The following LRBA variants were observed in gnomAD, a reference collection of about 807,000 sequenced individuals.
LRBA encodes the protein lipopolysaccharide-responsive and beige-like anchor protein.
Under a neutral mutation model 330.0 loss-of-function variants are expected in LRBA, and 176 were observed. The ratio of observed to expected loss-of-function variants is 0.53; its 90% CI spans 0.47 to 0.60. The LOEUF (loss-of-function observed/expected upper bound fraction) is 0.60, where lower values mean the gene tolerates loss of function less well. LRBA is among the 20% of genes least tolerant of loss of function. LRBA has a pLI of 0.00. For synonymous variants in LRBA, 1,230 were observed against 1,193.0 expected (o/e 1.03, Z -0.64); for missense variants, 3,259 against 3,444.8 (o/e 0.95, Z 1.35).
chr4:150,718,614 G>T (rs939144916), intron 36 of LRBA, among the ~76,000 whole-genome samples: 11 of 152,194 alleles, frequency 7.2e-5, no homozygotes, highest in Admixed American at 7.2e-4. Flanking sequence ...AATTGACTCT[G>T]ATGTAGAAGA....
chr4:150,827,812 G>C (rs569506103), intron 30 of LRBA, among the ~76,000 whole-genome samples: 1 of 152,040 alleles, frequency 6.6e-6, no homozygotes, highest in Admixed American at 6.6e-5. Flanking sequence ...ATGTTGGTCA[G>C]GCTGGTCTCG....
intron 37 of LRBA, among the ~76,000 whole-genome samples, chr4:150,607,475 T>C (rs771433421): frequency 3.3e-5 from 5 of 151,552 alleles, no homozygotes; most frequent in Non-Finnish European, 5.9e-5. Flanking sequence ...TTAAAATAAA[T>C]ACAGGTTAAA....
intron 35 of LRBA, among the ~76,000 whole-genome samples, chr4:150,757,218 A>T (rs1734430822): frequency 6.6e-6 from 1 of 152,192 alleles, no homozygotes; most frequent in African/African-American, 2.4e-5. Context: ...CAATGTATTT[A>T]AAAATATCTT....
chr4:150,392,689 T>A (rs1744160853), intron 47 of LRBA, among the ~76,000 whole-genome samples: 1 of 152,074 alleles, frequency 6.6e-6, no homozygotes, highest in Non-Finnish European at 1.5e-5. Flanking sequence ...ATCCTGAGAA[T>A]TTGCTGAAGT....
Position 150,927,092 on chromosome 4 carries a change from A to G in LRBA, c.549+1424T>C, listed in dbSNP as rs1429856214. 2.6e-5 allele frequency among the ~76,000 whole-genome samples: 4 copies of G among 151,100 alleles called. No homozygotes were observed. In the South Asian group the frequency reaches 6.3e-4, roughly 24 times the overall value. On this transcript the variant is annotated intron_variant, in intron 4 of 56. Transcript: ENST00000651943. ...CTCAAAAGAAAGAAAAAAAAAAAAAAGGCCAGGCGCGGTGGCTCACACCTG... is the reference window on the plus strand; with the variant it reads ...CTCAAAAGAAAGAAAAAAAAAAAAAGGGCCAGGCGCGGTGGCTCACACCTG...
At chr4:151,005,175 G>A (rs994767600) in intron 2 of LRBA, among the ~76,000 whole-genome samples, 1 of 151,846 alleles carries the variant, frequency 6.6e-6, no homozygotes, top group South Asian at 2.1e-4. Context: ...GGCCGGGCAC[G>A]GTGGCTCACG....
intron 40 of LRBA, among the ~76,000 whole-genome samples, chr4:150,500,015 TAGAC>T (rs1233139004): frequency 6.6e-6 from 1 of 152,040 alleles, no homozygotes; most frequent in Non-Finnish European, 1.5e-5. Context: ...AAATTACAGT[TAGAC>T]AGTAATAAGT....
At chr4:150,272,453 C>CAAAG (rs1409146681) in intron 56 of LRBA, among the ~76,000 whole-genome samples, 1 of 151,808 alleles carries the variant, frequency 6.6e-6, no homozygotes, top group Non-Finnish European at 1.5e-5. Flanking sequence ...AAAAATGGAA[C>CAAAG]AAAGCTGAAC....
At chr4:150,928,427 T>G in intron 4 of LRBA, 89 bp downstream of exon 4, 1 of 746,404 alleles carries the variant, frequency 1.3e-6, no homozygotes, top group Non-Finnish European at 2.3e-6. Context: ...AATTATCCCA[T>G]GTATAATAAT....
intron 46 of LRBA, among the ~76,000 whole-genome samples, chr4:150,426,421 G>C (rs1749616908): frequency 6.6e-6 from 1 of 151,876 alleles, no homozygotes; most frequent in Non-Finnish European, 1.5e-5. Flanking sequence ...ATCTGATATA[G>C]TAGAAAAAAT....
intron 2 of LRBA, among the ~76,000 whole-genome samples, chr4:150,931,986 A>C (rs1208486605): frequency 6.6e-6 from 1 of 152,052 alleles, no homozygotes; most frequent in Non-Finnish European, 1.5e-5. Context: ...AAGGCGGGAG[A>C]GTCATGTGAG....
intron 34 of LRBA, among the ~76,000 whole-genome samples, chr4:150,766,350 T>C (rs1251571160): frequency 3.9e-5 from 6 of 152,176 alleles, no homozygotes; most frequent in Admixed American, 3.3e-4. Flanking sequence ...GATATACAAA[T>C]GCATACTAAA....
At chr4:150,681,460 T>C (rs952352843) in intron 37 of LRBA, among the ~76,000 whole-genome samples, 1 of 152,184 alleles carries the variant, frequency 6.6e-6, no homozygotes. Context: ...AAAGGACTAT[T>C]TAAAGATAAT....
chr4:150,792,531 C>G (rs546196125), intron 34 of LRBA, among the ~76,000 whole-genome samples: 22 of 152,158 alleles, frequency 1.4e-4, no homozygotes, highest in African/African-American at 5.3e-4. Context: ...ATTTTTGAGA[C>G]AGGGTCTTCC....
rs147923585 is a variant in LRBA, at chr4:150,766,018, T to C, written c.5581-4171A>G. 2.6e-5 allele frequency among the ~76,000 whole-genome samples: 4 copies of C among 152,204 alleles called. No individual in the cohort carries two copies. In the East Asian group the frequency reaches 7.7e-4, roughly 29 times the overall value. ...ATTAGACATGAAGGTACATATATAATTGAAGAAGTTCAGTGTTTTATGGAG... is the reference window on the plus strand; with the variant it reads ...ATTAGACATGAAGGTACATATATAACTGAAGAAGTTCAGTGTTTTATGGAG... On this transcript the variant is annotated intron_variant, in intron 34 of 56. Transcript: ENST00000651943.
chr4:150,505,346 C>A (rs953783980), intron 40 of LRBA, among the ~76,000 whole-genome samples: 26 of 152,142 alleles, frequency 1.7e-4, no homozygotes, highest in Non-Finnish European at 3.1e-4. Context: ...CACTCCTCAG[C>A]AAATGTAAAA....
At chr4:150,381,057 G>A (rs1049157125) in intron 47 of LRBA, among the ~76,000 whole-genome samples, 4 of 149,094 alleles carry the variant, frequency 2.7e-5, no homozygotes, top group African/African-American at 9.9e-5. Context: ...TTAGGAAATA[G>A]TTCAACAAGC....
intron 17 of LRBA, among the ~76,000 whole-genome samples, chr4:150,887,570 C>T (rs981471179): frequency 2.0e-5 from 3 of 151,940 alleles, no homozygotes; most frequent in South Asian, 2.1e-4. Flanking sequence ...AGATCGAGAC[C>T]ATCCTGGCTA....
chr4:150,917,015 C>G (rs971364460), intron 5 of LRBA, among the ~76,000 whole-genome samples: 3 of 151,742 alleles, frequency 2.0e-5, no homozygotes, highest in Non-Finnish European at 2.9e-5. Flanking sequence ...TAGCCGGGTA[C>G]GGTGGTGGGT....
Sources: allele counts gnomAD v4.1 joint callset (sites outside exome capture counted in the v4.1 genomes callset), GRCh38; gene constraint gnomAD v4.1.1; transcripts MANE v1.5; gene names NCBI Gene and HGNC (gene_info 2026-07-23, HGNC 2026-07-21).